The following PTK2 variants were observed in gnomAD, a reference collection of about 807,000 sequenced individuals.
The protein encoded by PTK2 is protein tyrosine kinase 2, also known as focal adhesion kinase 1.
PTK2 carries 45 observed loss-of-function variants against 150.1 expected under a neutral mutation model. That is an observed-to-expected ratio of 0.30 (90% CI 0.24 to 0.38). PTK2 has a LOEUF of 0.38. Ranked by LOEUF, PTK2 falls within the 10% of genes least tolerant of loss-of-function variation. The pLI is 1.00. For missense variants in PTK2, 919 were observed against 1,307.3 expected (o/e 0.70, Z 4.58); for synonymous variants, 432 against 449.2 (o/e 0.96, Z 0.48).
At chr8:140,954,456 T>C (rs537857279) in intron 1 of PTK2, among the ~76,000 whole-genome samples, 3 of 152,222 alleles carry the variant, frequency 2.0e-5, no homozygotes, top group South Asian at 2.1e-4. Context: ...TATAAAGTTA[T>C]TGTGAGGATT....
At chr8:140,718,913 C>T (rs1232598588) in intron 22 of PTK2, among the ~76,000 whole-genome samples, 1 of 152,224 alleles carries the variant, frequency 6.6e-6, no homozygotes, top group Non-Finnish European at 1.5e-5. Flanking sequence ...CATGGTGGCT[C>T]ACGCCTGTAA....
chr8:140,922,409 T>A (rs981076136), intron 2 of PTK2, among the ~76,000 whole-genome samples: 1 of 151,520 alleles, frequency 6.6e-6, no homozygotes, highest in Non-Finnish European at 1.5e-5. Flanking sequence ...CTAGATCAAC[T>A]AGAATACATG....
rs142488899 is a variant in PTK2, at chr8:140,745,299, A to G, written c.1519-532T>C. On this transcript the variant is annotated intron_variant, in intron 18 of 31. Coordinates refer to ENST00000522684, the Ensembl canonical transcript of PTK2. ...ACAGTCATGTTGGGTATTTATCACAATGTACTTACTTGTTCATGCTACCAC... is the reference window on the plus strand; with the variant it reads ...ACAGTCATGTTGGGTATTTATCACAGTGTACTTACTTGTTCATGCTACCAC... 4.7e-3 allele frequency among the ~76,000 whole-genome samples: 712 copies of G among 152,312 alleles called. 9 individuals are homozygous for G. Among genetic ancestry groups the G allele is most frequent in the African/African-American group, 0.015 (644 of 41,568 alleles).
intron 2 of PTK2, among the ~76,000 whole-genome samples, chr8:140,901,657 T>G (rs1266862725): frequency 6.6e-6 from 1 of 151,812 alleles, no homozygotes; most frequent in Non-Finnish European, 1.5e-5. Flanking sequence ...GTCTTTTTTT[T>G]TTTTTTTTTA....
intron 1 of PTK2, among the ~76,000 whole-genome samples, chr8:140,998,315 T>C (rs2100198565): frequency 1.3e-5 from 2 of 152,166 alleles, no homozygotes; most frequent in Admixed American, 1.3e-4. Flanking sequence ...ATTTTAATTA[T>C]TTTCTAAAAA....
At chr8:140,752,188 A>G (rs2100063102) in intron 17 of PTK2, 44 bp downstream of exon 20, 1 of 1,480,010 alleles carries the variant, frequency 6.8e-7, no homozygotes, top group East Asian at 2.3e-5. Flanking sequence ...GATTTCACAG[A>G]TAGAAAGTCA....
chr8:140,774,168 G>A (rs943492240), intron 14 of PTK2, among the ~76,000 whole-genome samples: 1 of 152,190 alleles, frequency 6.6e-6, no homozygotes, highest in Non-Finnish European at 1.5e-5. Flanking sequence ...TTTGTACTGA[G>A]TTACTTGTTC....
At chr8:140,767,930 T>A (rs1012821477) in intron 14 of PTK2, among the ~76,000 whole-genome samples, 1 of 152,018 alleles carries the variant, frequency 6.6e-6, no homozygotes, top group African/African-American at 2.4e-5. Context: ...GCCCTCCACA[T>A]GTTAGTGTAA....
chr8:140,672,177 C>A (rs1326406532), intron 29 of PTK2: 1 of 453,156 alleles, frequency 2.2e-6, no homozygotes. Context: ...ATAAATAATT[C>A]ATTAATCTCA....
intron 14 of PTK2, among the ~76,000 whole-genome samples, chr8:140,766,848 G>A (rs1361511843): frequency 6.6e-6 from 1 of 152,200 alleles, no homozygotes; most frequent in Non-Finnish European, 1.5e-5. Flanking sequence ...TGCTTCAGCT[G>A]TGCCCTCGTG....
intron 3 of PTK2, among the ~76,000 whole-genome samples, chr8:140,882,994 T>A (rs1188742741): frequency 6.6e-6 from 1 of 152,224 alleles, no homozygotes; most frequent in African/African-American, 2.4e-5. Flanking sequence ...ATTTTACTGT[T>A]GTTATGATGG....
At chr8:140,911,405 T>C (rs1327484749) in intron 2 of PTK2, among the ~76,000 whole-genome samples, 2 of 152,206 alleles carry the variant, frequency 1.3e-5, no homozygotes, top group East Asian at 1.9e-4. Flanking sequence ...TTTTCACTGT[T>C]TTTTTAAGAA....
chr8:140,702,430 T>G (rs2154103628), intron 25 of PTK2, 140 bp downstream of exon 28: 1 of 1,079,270 alleles, frequency 9.3e-7, no homozygotes, highest in South Asian at 1.6e-5. Context: ...TGTTGCCCAG[T>G]CTGGTTTCAA....
chr8:140,761,697 A>G (rs1176640693), intron 15 of PTK2, among the ~76,000 whole-genome samples: 1 of 152,140 alleles, frequency 6.6e-6, no homozygotes, highest in African/African-American at 2.4e-5. Context: ...TAAATATGGA[A>G]GCAACATAAA....
intron 4 of PTK2, among the ~76,000 whole-genome samples, chr8:140,869,612 A>C (rs758020912): frequency 7.2e-5 from 11 of 152,196 alleles, no homozygotes; most frequent in Non-Finnish European, 1.5e-4. Context: ...GATTATGACA[A>C]AAGTCAGGAT....
intron 3 of PTK2, among the ~76,000 whole-genome samples, chr8:140,889,654 A>C (rs1192815972): frequency 6.6e-6 from 1 of 152,084 alleles, no homozygotes; most frequent in African/African-American, 2.4e-5. Flanking sequence ...AAGAAAAGAA[A>C]AGAAAAAAGA....
chr8:140,926,262 A>G (rs988213050), intron 1 of PTK2, among the ~76,000 whole-genome samples: 1 of 152,230 alleles, frequency 6.6e-6, no homozygotes, highest in Non-Finnish European at 1.5e-5. Flanking sequence ...AAACTGAGGA[A>G]CAGAGAAATT....
chr8:140,712,559 GA>G (rs1564886663), intron 23 of PTK2, among the ~76,000 whole-genome samples: 1 of 152,004 alleles, frequency 6.6e-6, no homozygotes, highest in African/African-American at 2.4e-5. Context: ...ATTAAGGGGG[GA>G]AAAAAGGAGA....
At chr8:140,995,631 G>A (rs1346536202) in intron 1 of PTK2, among the ~76,000 whole-genome samples, 1 of 151,334 alleles carries the variant, frequency 6.6e-6, no homozygotes, top group Non-Finnish European at 1.5e-5. Flanking sequence ...GCAAAACCCC[G>A]TCTCTACTAA....
Sources: gnomAD v4.1 joint callset for allele counts (sites outside exome capture counted in the v4.1 genomes callset) on GRCh38, gnomAD v4.1.1 for gene constraint, MANE v1.5 for transcripts, NCBI Gene and HGNC (gene_info 2026-07-23, HGNC 2026-07-21) for gene names.